Variants in PER2 observed in about 807,000 individuals in gnomAD.
PER2 encodes the protein period circadian protein homolog 2.
Under a neutral mutation model 121.0 loss-of-function variants are expected in PER2, and 66 were observed. That is an observed-to-expected ratio of 0.55 (90% CI 0.45 to 0.67). The LOEUF is 0.67. Ranked by LOEUF, PER2 falls within the 30% of genes least tolerant of loss-of-function variation. The pLI is 0.00. For missense variants in PER2, 1,521 were observed against 1,635.0 expected (o/e 0.93, Z 1.20); for synonymous variants, 684 against 659.9 (o/e 1.04, Z -0.56).
intron 20 of PER2, among the ~76,000 whole-genome samples, chr2:238,250,950 G>C (rs759862389): frequency 5.9e-5 from 9 of 152,224 alleles, no homozygotes; most frequent in Non-Finnish European, 1.2e-4. Flanking sequence ...GTGCCATGCA[G>C]GCGATTCTTT....
rs986594943 is a variant in PER2 at position 238,246,217 on chromosome 2, C to T, written c.*158G>A. The T allele has an allele frequency of 4.1e-6, 2 of 491,258 alleles. No homozygotes were observed. The highest frequency in any genetic ancestry group is 3.6e-6 in the Non-Finnish European group (1 of 280,910). 30.4% of individuals were successfully genotyped at this position (491,258 alleles called of 1,614,324 possible). A position where few individuals can be genotyped will look rare whatever the true frequency, so the allele number is the denominator to read the frequency against. On this transcript the variant is annotated 3_prime_UTR_variant, in exon 23 of 23. Transcript: ENST00000254657. ...CTCCCCACTCTCCACAGTTTTAAGT[C>T]GCCCCTTCAGAAAACTATGTTGTTT... is the stretch of plus-strand genomic sequence containing the variant.
intron 4 of PER2, among the ~76,000 whole-genome samples, chr2:238,275,466 A>G (rs534030741): frequency 5.3e-4 from 81 of 152,320 alleles, no homozygotes; most frequent in African/African-American, 1.8e-3. Context: ...AAGTGGGAGG[A>G]CTGCTTGGGT....
At chr2:238,271,535 CT>C (rs749966523) in intron 5 of PER2, 22 bp from the exon 6 acceptor site, 115 of 1,585,090 alleles carry the variant, frequency 7.3e-5, no homozygotes, top group Non-Finnish European at 8.9e-5. Context: ...GAGTAGGGCT[CT>C]GATGACAAGG....
rs200509711 is a variant in PER2 at position 238,253,455 on chromosome 2, C to A, written c.2568G>T (p.Leu856=). The change falls in exon 19 of 23, where the codon CTG becomes CTT. Residue 856 remains leucine (L), a synonymous_variant. Transcript: ENST00000254657. The surrounding 1 kb of genome is among the most constrained non-coding windows in gnomAD (Gnocchi z 5.6). The part of the protein sequence containing the change: ...FPAPVPAAYS[L]PVFPAPGTVA... ...CAGTCCCTGGCGCTGGAAACACGGG[C>A]AGTGAATAAGCTGCTGGCACTGGGG... 1.2e-6 allele frequency: 2 copies of A among 1,612,760 alleles called. No homozygotes were observed. Among genetic ancestry groups the A allele is most frequent in the Non-Finnish European group, 1.7e-6 (2 of 1,179,328 alleles).
In PER2 at chr2:238,260,895, T is replaced by C. The variant is rs1332528390; in HGVS notation, c.1475A>G (p.Glu492Gly). 1 of 1,613,732 alleles carries C rather than the reference T, an allele frequency of 6.2e-7. No homozygotes were observed. Among genetic ancestry groups the C allele is most frequent in the African/African-American group, 1.3e-5 (1 of 74,928 alleles). The change falls in exon 13 of 23, where the codon GAG (glutamate) becomes GGG (glycine). Residue 492 changes from glutamate (E) to glycine (G), a missense_variant. Glu to Gly is a moderately conservative substitution (Grantham distance 98). Coordinates refer to ENST00000254657, the MANE Select transcript of PER2 (RefSeq NM_022817.3). ...GGAGGAGGTCTGGCTCATAAGGTGC[T>C]CGTGGGACCCGTTGCTGCCCAGACT... The part of the protein sequence containing the change: ...YGSLGSNGSH[E>G]HLMSQTSSSD...
chr2:238,262,123 G>A, intron 11 of PER2, 68 bp downstream of exon 11: 2 of 1,430,900 alleles, frequency 1.4e-6, no homozygotes, highest in South Asian at 2.3e-5. Context: ...TCTGTTGCTG[G>A]GAGGTGAGGA....
chr2:238,293,039 T>C (rs1474918194), upstream of PER2, among the ~76,000 whole-genome samples: 1 of 119,108 alleles, frequency 8.4e-6, no homozygotes, highest in Non-Finnish European at 1.6e-5. Flanking sequence ...CCCAGCCTTG[T>C]TTTGCTTTTT....
At chr2:238,275,357 T>A (rs1306203545) in intron 4 of PER2, among the ~76,000 whole-genome samples, 1 of 152,192 alleles carries the variant, frequency 6.6e-6, no homozygotes, top group Non-Finnish European at 1.5e-5. Flanking sequence ...AGCTAAGGAA[T>A]TCTTCAAAGT....
In PER2 at chr2:238,253,350, G is replaced by A. The variant is rs543902497; in HGVS notation, c.2673C>T (p.Val891=). ...AAGGGGCAGGGAAAGGTGGGGGCTGGACTGCAAACTGGTGCTGGAGGTCCA... is the reference window on the plus strand; with the variant it reads ...AAGGGGCAGGGAAAGGTGGGGGCTGAACTGCAAACTGGTGCTGGAGGTCCA... ...VPVDLQHQFA[V]QPPPFPAPLA... The change falls in exon 19 of 23, where the codon GTC becomes GTT. Residue 891 remains valine (V), a synonymous_variant. Transcript: ENST00000254657. This position sits in a 1 kb window ranked among gnomAD's most constrained non-coding sequence, Gnocchi z 5.6. The A allele has an allele frequency of 1.2e-6, 2 of 1,613,646 alleles. No homozygotes were observed. The highest frequency in any genetic ancestry group is 2.2e-5 in the South Asian group (2 of 91,018).
Position 238,261,682 on chromosome 2 carries a change from C to T in PER2, c.1416+47G>A, listed in dbSNP as rs202194862. ...CAGAGCCTATGTCCTCTGCAGGGGG[C>T]TCTCAGGCTGCTACCTGGGAGGAGG... On this transcript the variant is annotated intron_variant, in intron 12 of 22. Transcript: ENST00000254657. The T allele has an allele frequency of 1.9e-4, 233 of 1,238,238 alleles. No individual in the cohort carries two copies. The African/African-American group carries it at 2.9e-3, about 15-fold the overall frequency. The allele number at this position is 1,238,238 out of a possible 1,614,324, so 76.7% of individuals were successfully genotyped here. A position where few individuals can be genotyped will look rare whatever the true frequency, so the allele number is the denominator to read the frequency against.
intron 6 of PER2, among the ~76,000 whole-genome samples, chr2:238,270,377 A>C (rs1288493709): frequency 6.6e-6 from 1 of 152,192 alleles, no homozygotes; most frequent in African/African-American, 2.4e-5. Context: ...TAATAGTTGA[A>C]AGGGATTTAA....
chr2:238,258,376 A>G lies in PER2; in HGVS notation c.1800T>C (p.Ala600=), dbSNP rs368134960. ...ACTCGCATTTCCTCTTCAGGGTGGCAGCCTCATTGCAGCTCTCCAAGTACC... is the reference window on the plus strand; with the variant it reads ...ACTCGCATTTCCTCTTCAGGGTGGCGGCCTCATTGCAGCTCTCCAAGTACC... ...VIRYLESCNE[A]ATLKRKCEFP... Residue 600 remains alanine, a synonymous_variant, in exon 16 of 23, where the codon GCT becomes GCC. Coordinates refer to ENST00000254657, the MANE Select transcript of PER2 (RefSeq NM_022817.3). 2.7e-5 allele frequency: 44 copies of G among 1,614,096 alleles called. No homozygotes were observed. Among genetic ancestry groups the G allele is most frequent in the Admixed American group, 3.3e-5 (2 of 60,006 alleles).
At chr2:238,272,495 T>C (rs1417146627) in intron 5 of PER2, among the ~76,000 whole-genome samples, 1 of 152,190 alleles carries the variant, frequency 6.6e-6, no homozygotes, top group Non-Finnish European at 1.5e-5. Flanking sequence ...AGGAAGAAGA[T>C]GGGAAGGATT....
intron 1 of PER2, among the ~76,000 whole-genome samples, chr2:238,288,125 C>T (rs1188957977): frequency 1.3e-5 from 2 of 152,176 alleles, no homozygotes; most frequent in South Asian, 2.1e-4. Context: ...AGATCAGCGC[C>T]CCTCCATGGC....
At chr2:238,282,141 T>C (rs1696648383) in intron 1 of PER2, among the ~76,000 whole-genome samples, 1 of 152,176 alleles carries the variant, frequency 6.6e-6, no homozygotes, top group Non-Finnish European at 1.5e-5. Context: ...GCTCTGCAAG[T>C]CTAGCTCCTG....
intron 1 of PER2, among the ~76,000 whole-genome samples, chr2:238,287,488 G>A (rs1696823109): frequency 6.6e-6 from 1 of 152,248 alleles, no homozygotes; most frequent in South Asian, 2.1e-4. Context: ...AGGCGTCCAT[G>A]TGGGGCTTTA....
chr2:238,262,683 T>A (rs754414854), intron 10 of PER2, among the ~76,000 whole-genome samples: 3 of 152,126 alleles, frequency 2.0e-5, no homozygotes, highest in Non-Finnish European at 4.4e-5. Context: ...CATGCGCCAC[T>A]GAAGCCAACA....
chr2:238,272,420 G>T (rs1486740288), intron 5 of PER2, among the ~76,000 whole-genome samples: 1 of 152,238 alleles, frequency 6.6e-6, no homozygotes, highest in African/African-American at 2.4e-5. Context: ...AGCCCACCAT[G>T]GGCGCTCTAC....
intron 9 of PER2, among the ~76,000 whole-genome samples, chr2:238,264,021 G>A (rs2106307856): frequency 6.6e-6 from 1 of 151,322 alleles, no homozygotes. Context: ...GGGGTGGAGG[G>A]TGAAAAGAAG....
Sources: gnomAD v4.1 joint callset for allele counts (sites outside exome capture counted in the v4.1 genomes callset) on GRCh38, gnomAD v4.1.1 for gene constraint, Gnocchi (gnomAD v3.1) non-coding constraint, MANE v1.5 for transcripts, NCBI Gene and HGNC (gene_info 2026-07-23, HGNC 2026-07-21) for gene names.